MAP3K19: variants seen among roughly 807,000 people sequenced by gnomAD.
MAP3K19 encodes the protein SPS1/STE20-related protein kinase YSK4.
Under a neutral mutation model 114.4 loss-of-function variants are expected in MAP3K19, and 91 were observed. The ratio of observed to expected loss-of-function variants is 0.80; its 90% CI spans 0.67 to 0.95. MAP3K19 has a LOEUF of 0.95. Among genes scored for constraint, MAP3K19 ranks in the 40% least tolerant of loss-of-function variants. The pLI, the probability that MAP3K19 is intolerant of heterozygous loss-of-function variation, is 0.00. For missense variants in MAP3K19, 1,471 were observed against 1,573.2 expected, an observed-to-expected ratio of 0.94 and a Z score of 1.10; for synonymous variants, 518 against 530.5, an observed-to-expected ratio of 0.98 and a Z score of 0.32.
chr2:135,033,213 C>T lies in MAP3K19; in HGVS notation c.-283-2713G>A, dbSNP rs1688430517. Among the ~76,000 whole-genome samples, 2 of 111,006 alleles carry T rather than the reference C, an allele frequency of 1.8e-5. 1 individual carries two copies. The highest frequency in any genetic ancestry group is 9.4e-5 in the African/African-American group (2 of 21,328). 72.8% of individuals were successfully genotyped at this position (111,006 alleles called of 152,430 possible). A position where few individuals can be genotyped will look rare whatever the true frequency, so the allele number is the denominator to read the frequency against. On this transcript the variant is annotated intron_variant, in intron 2 of 12. Coordinates refer to ENST00000392915, the MANE Select transcript of MAP3K19 (RefSeq NM_025052.5). ...GGCCGGGCAGAGGCGCCCCTCATCT[C>T]CCAGACGAGGCGGCTGGCCGGGCGG...
At chr2:135,042,083 A>C (rs13413620) in intron 1 of MAP3K19, among the ~76,000 whole-genome samples, 1 of 152,190 alleles carries the variant, frequency 6.6e-6, no homozygotes, top group Non-Finnish European at 1.5e-5. Context: ...TAAACATAAC[A>C]CAAAATAGGT....
intron 4 of MAP3K19, chr2:135,023,431 T>C: frequency 5.6e-6 from 3 of 533,196 alleles, no homozygotes; most frequent in Non-Finnish European, 1.2e-5. Flanking sequence ...CACAATCTCC[T>C]CTCTGTAGAG....
At chr2:135,004,195 C>T (rs919389343) in intron 6 of MAP3K19, among the ~76,000 whole-genome samples, 2 of 152,164 alleles carry the variant, frequency 1.3e-5, no homozygotes, top group African/African-American at 4.8e-5. Flanking sequence ...TATTTAACCT[C>T]CTGGAAGGTG....
intron 12 of MAP3K19, among the ~76,000 whole-genome samples, chr2:134,969,719 G>A (rs1683734479): frequency 6.6e-6 from 1 of 152,120 alleles, no homozygotes. Context: ...AACCTGGAGT[G>A]TTTCCCTATG....
At chr2:134,996,861 C>A (rs528539943) in intron 8 of MAP3K19, among the ~76,000 whole-genome samples, 67 of 152,002 alleles carry the variant, frequency 4.4e-4, no homozygotes, top group Middle Eastern at 3.4e-3. Context: ...ATGGTGAAAC[C>A]CCATCTGTAC....
intron 11 of MAP3K19, among the ~76,000 whole-genome samples, chr2:134,982,859 A>G (rs934091082): frequency 6.6e-6 from 1 of 152,182 alleles, no homozygotes; most frequent in African/African-American, 2.4e-5. Flanking sequence ...AGACAGCACA[A>G]GTCTTATTTG....
At chr2:134,996,037 T>A (rs1409272416) in intron 8 of MAP3K19, among the ~76,000 whole-genome samples, 2 of 152,122 alleles carry the variant, frequency 1.3e-5, no homozygotes, top group African/African-American at 2.4e-5. Flanking sequence ...CCTCCTGGAA[T>A]CAAGCAATCC....
intron 11 of MAP3K19, among the ~76,000 whole-genome samples, chr2:134,982,331 G>A (rs1162439618): frequency 6.8e-6 from 1 of 147,252 alleles, no homozygotes; most frequent in Non-Finnish European, 1.5e-5. Context: ...ATGTTGCCCA[G>A]GCTGCCTCAC....
intron 8 of MAP3K19, among the ~76,000 whole-genome samples, chr2:134,993,973 G>A (rs1443520178): frequency 6.6e-6 from 1 of 152,110 alleles, no homozygotes; most frequent in Non-Finnish European, 1.5e-5. Context: ...TTGCACCACT[G>A]CACTCCAGCA....
intron 5 of MAP3K19, 82 bp downstream of exon 5, chr2:135,021,633 G>C: frequency 1.5e-6 from 1 of 686,346 alleles, no homozygotes; most frequent in Non-Finnish European, 2.5e-6. Flanking sequence ...TAATATATGA[G>C]TGTTATGAAG....
Position 134,981,486 on chromosome 2 carries a change from T to G in MAP3K19, c.3255A>C (p.Leu1085=), listed in dbSNP as rs752368441. 6.2e-7 allele frequency: 1 copy of G among 1,614,124 alleles called. No homozygotes were observed. Among genetic ancestry groups the G allele is most frequent in the Non-Finnish European group, 8.5e-7 (1 of 1,179,960 alleles). ...CCAAAGCCACCTGTTTTACAGCTAT[T>G]AGCTGTCCTTGACTAGTGAGACCAC... ...VYCGLTSQGQ[L]IAVKQVALDT... The change falls in exon 12 of 13, where the codon CTA becomes CTC. Residue 1085 remains leucine (L), a synonymous_variant. Transcript: ENST00000392915.
Position 134,982,868 on chromosome 2 carries a change from T to C in MAP3K19, c.3222+808A>G, listed in dbSNP as rs376435889. On this transcript the variant is annotated intron_variant, in intron 11 of 12. Coordinates refer to ENST00000392915, the MANE Select transcript of MAP3K19 (RefSeq NM_025052.5). ...ATCTGGAGACAGCACAAGTCTTATTTGGGGGCCAGCCTTTTCTTTACTCGT... is the reference window on the plus strand; with the variant it reads ...ATCTGGAGACAGCACAAGTCTTATTCGGGGGCCAGCCTTTTCTTTACTCGT... Among the ~76,000 whole-genome samples, 27 of 152,336 alleles carry C rather than the reference T, an allele frequency of 1.8e-4. No homozygotes were observed. The South Asian group carries it at 5.6e-3, about 32-fold the overall frequency.
At chr2:134,991,302 AAAAACAAAACAAAAC>A (rs144837592) in intron 9 of MAP3K19, 22 of 472,574 alleles carry the variant, frequency 4.7e-5, no homozygotes, top group Admixed American at 1.0e-4. Flanking sequence ...CTCTGTCTCA[AAAAACAAAACAAAAC>A]AAAACAAAAC....
In MAP3K19 at chr2:134,977,653, C is replaced by T. The variant is rs891670042; in HGVS notation, c.3920+3168G>A. On this transcript the variant is annotated intron_variant, in intron 12 of 12. Transcript: ENST00000392915. ...CTGGGATTACTGGCGTGAGCCACCGCGCCCGGCTAATTTTTAAATTTTTTG... is the reference window on the plus strand; with the variant it reads ...CTGGGATTACTGGCGTGAGCCACCGTGCCCGGCTAATTTTTAAATTTTTTG... 7.9e-5 allele frequency among the ~76,000 whole-genome samples: 12 copies of T among 152,178 alleles called. No homozygotes were observed. In the South Asian group the frequency reaches 8.3e-4, roughly 11 times the overall value.
At chr2:135,002,524 T>A (rs1686515972) in intron 6 of MAP3K19, among the ~76,000 whole-genome samples, 1 of 152,060 alleles carries the variant, frequency 6.6e-6, no homozygotes, top group Admixed American at 6.6e-5. Context: ...TGCATATCTG[T>A]CTGGATTGCG....
chr2:135,018,264 A>G (rs1404199203), intron 5 of MAP3K19, among the ~76,000 whole-genome samples: 2 of 137,204 alleles, frequency 1.5e-5, no homozygotes, highest in African/African-American at 5.6e-5. Flanking sequence ...CCACTCCAGC[A>G]GCCTTGGCAA....
rs1349348967 is a variant in MAP3K19 at position 134,985,920 on chromosome 2, A to C, written c.2952T>G (p.Asp984Glu). Reference sequence around the variant, plus strand: ...TTGCCATTTTTTGGCAAGAGTTGTTATCTTTCTCATCAAGAGCTAATAATT... The same window carrying C: ...TTGCCATTTTTTGGCAAGAGTTGTTCTCTTTCTCATCAAGAGCTAATAATT... ...AAELLALDEK[D>E]NNSCQKMANE... The change falls in exon 10 of 13, where the codon GAT (aspartate) becomes GAG (glutamate). Residue 984 changes from aspartate (D) to glutamate (E), a missense_variant. Transcript: ENST00000392915. The C allele has an allele frequency of 1.2e-6, 2 of 1,613,972 alleles. No homozygotes were observed. The highest frequency in any genetic ancestry group is 1.7e-6 in the Non-Finnish European group (2 of 1,180,006).
chr2:134,987,475 A>G lies in MAP3K19; in HGVS notation c.1397T>C (p.Ile466Thr), dbSNP rs777991076. 9 of 1,614,022 alleles carry G rather than the reference A, an allele frequency of 5.6e-6. No homozygotes were observed. Among genetic ancestry groups the G allele is most frequent in the Non-Finnish European group, 7.6e-6 (9 of 1,180,012 alleles). ...GGCTCTTTCTGCTATTGATATTTTTATGTTTGTCTCCATGCTGCTACAACC... is the reference window on the plus strand; with the variant it reads ...GGCTCTTTCTGCTATTGATATTTTTGTGTTTGTCTCCATGCTGCTACAACC... ...PEGCSSMETN[I>T]KISIAERAKP... The change falls in exon 10 of 13, where the codon ATA (isoleucine) becomes ACA (threonine). Residue 466 changes from isoleucine to threonine, a missense_variant. Coordinates refer to ENST00000392915, the MANE Select transcript of MAP3K19 (RefSeq NM_025052.5).
rs1159755717 is a variant in MAP3K19, at chr2:134,999,936, CTTCTT to C, written c.310_314del (p.Lys104SerfsTer20). ...CTGATACTTCAAAGAATATTCCTTACTTCTTTTCTTTTAAGTCTTCTTGGCTCATT... is the reference window on the plus strand; with the variant it reads ...CTGATACTTCAAAGAATATTCCTTACTTCTTTTAAGTCTTCTTGGCTCATT... On this transcript the variant is annotated frameshift_variant and splice_region_variant, in exon 7 of 13. Transcript: ENST00000392915. LOFTEE classifies it high-confidence loss of function. The surrounding 1 kb of genome is among the most constrained non-coding windows in gnomAD (Gnocchi z 4.1). 7 of 1,587,136 alleles carry C rather than the reference CTTCTT, an allele frequency of 4.4e-6. No individual in the cohort carries two copies. Among genetic ancestry groups the C allele is most frequent in the African/African-American group, 1.3e-5 (1 of 74,332 alleles).
Sources: gnomAD v4.1 joint callset for allele counts (sites outside exome capture counted in the v4.1 genomes callset) on GRCh38, gnomAD v4.1.1 for gene constraint, Gnocchi (gnomAD v3.1) non-coding constraint, MANE v1.5 for transcripts, NCBI Gene and HGNC (gene_info 2026-07-23, HGNC 2026-07-21) for gene names.